CCDC57: variants seen among roughly 807,000 people sequenced by gnomAD.
CCDC57 encodes coiled-coil domain containing 57, also known as coiled-coil domain-containing protein 57.
Under a neutral mutation model 118.9 loss-of-function variants are expected in CCDC57, and 118 were observed. The observed-to-expected ratio is 0.99, with a 90% confidence interval of 0.86 to 1.16. The LOEUF (loss-of-function observed/expected upper bound fraction) is 1.16. Ranked by LOEUF, CCDC57 falls within the 50% of genes most tolerant of loss-of-function variation. The pLI, the probability that CCDC57 is intolerant of heterozygous loss-of-function variation, is 0.00. For missense variants in CCDC57, 1,300 were observed against 1,320.7 expected, an observed-to-expected ratio of 0.98 and a Z score of 0.24; for synonymous variants, 527 against 532.9, an observed-to-expected ratio of 0.99 and a Z score of 0.15.
rs1380028672 is a variant in CCDC57, at chr17:82,157,950, T to C, written c.2041-2A>G. ...CGGCTCCAGGGGTTCCCGCAGCACC[T>C]AGGGGTCATTTCAAAGGCAGTGTGA... On this transcript the variant is annotated splice_acceptor_variant, in intron 14 of 19. Transcript: ENST00000665763. LOFTEE classifies it high-confidence loss of function. 6.4e-7 allele frequency: 1 copy of C among 1,551,834 alleles called. No individual in the cohort carries two copies. The highest frequency in any genetic ancestry group is 8.7e-7 in the Non-Finnish European group (1 of 1,148,102).
chr17:82,200,334 G>A (rs894812677), intron 3 of CCDC57, among the ~76,000 whole-genome samples: 1 of 152,242 alleles, frequency 6.6e-6, no homozygotes, highest in Non-Finnish European at 1.5e-5. Context: ...ACATTTCGGA[G>A]CAGTGTGCGC....
intron 19 of CCDC57, among the ~76,000 whole-genome samples, chr17:82,104,005 C>T (rs1265409325): frequency 2.6e-5 from 4 of 152,202 alleles, no homozygotes; most frequent in Non-Finnish European, 5.9e-5. Flanking sequence ...CCCAGGGCAG[C>T]GGACAGCCCC....
At chr17:82,107,397 C>T (rs1024461927) in intron 19 of CCDC57, 10 of 424,374 alleles carry the variant, frequency 2.4e-5, no homozygotes, top group South Asian at 6.6e-5. Context: ...GTGGCTGCCT[C>T]GAACCCTGCT....
intron 9 of CCDC57, among the ~76,000 whole-genome samples, chr17:82,181,799 C>T (rs2046239105): frequency 6.6e-6 from 1 of 152,110 alleles, no homozygotes; most frequent in African/African-American, 2.4e-5. Context: ...AAGAGTTTAA[C>T]GAAGAAGGAA....
At chr17:82,211,232 G>T (rs2050163544) in intron 1 of CCDC57, among the ~76,000 whole-genome samples, 1 of 152,106 alleles carries the variant, frequency 6.6e-6, no homozygotes, top group South Asian at 2.1e-4. Context: ...CCCTGTTGAG[G>T]TTTTCTTGCC....
chr17:82,142,794 T>C (rs527739207), intron 16 of CCDC57, among the ~76,000 whole-genome samples: 1 of 152,174 alleles, frequency 6.6e-6, no homozygotes, highest in Non-Finnish European at 1.5e-5. Flanking sequence ...TAAAAAGTAG[T>C]ATTCCGCACA....
rs375402632 is a variant in CCDC57 at position 82,183,582 on chromosome 17, C to T, written c.1211+192G>A. Among the ~76,000 whole-genome samples the T allele has an allele frequency of 1.2e-3, 187 of 152,226 alleles. 2 individuals carry two copies. Among genetic ancestry groups the T allele is most frequent in the African/African-American group, 4.1e-3 (172 of 41,518 alleles). ...CTCTGGCCATGCTCCCTCCAGCAGGCGGCCCCTTCTGCATGTCTTCCCACA... is the reference window on the plus strand; with the variant it reads ...CTCTGGCCATGCTCCCTCCAGCAGGTGGCCCCTTCTGCATGTCTTCCCACA... On this transcript the variant is annotated intron_variant, in intron 9 of 19. Transcript: ENST00000665763.
intron 3 of CCDC57, 92 bp from the exon 3 acceptor site, chr17:82,198,514 T>C (rs2048568675): frequency 4.5e-6 from 4 of 884,668 alleles, no homozygotes; most frequent in Admixed American, 4.9e-5. Context: ...TGAAAGTTGG[T>C]GCTTTGCTTT....
intron 2 of CCDC57, among the ~76,000 whole-genome samples, chr17:82,207,286 T>C (rs955192251): frequency 1.3e-5 from 2 of 151,838 alleles, no homozygotes; most frequent in South Asian, 2.1e-4. Context: ...TGAGCTGTGA[T>C]TGCACCACTG....
At chr17:82,141,688 T>G (rs1480927830) in intron 16 of CCDC57, among the ~76,000 whole-genome samples, 2 of 152,170 alleles carry the variant, frequency 1.3e-5, no homozygotes, top group Non-Finnish European at 2.9e-5. Context: ...ATCCGCCTGA[T>G]GATTGGGTTT....
chr17:82,151,215 A>G (rs59833194), intron 16 of CCDC57, among the ~76,000 whole-genome samples: 17,252 of 41,274 alleles, frequency 0.42, 5,553 homozygotes, highest in East Asian at 0.87. Context: ...CCAGAACCTG[A>G]CCCACACCCA....
chr17:82,208,882 G>C (rs1173472178), intron 1 of CCDC57, among the ~76,000 whole-genome samples: 1 of 152,074 alleles, frequency 6.6e-6, no homozygotes, highest in Non-Finnish European at 1.5e-5. Flanking sequence ...CTACTCTTTT[G>C]TTTTGAAACA....
At chr17:82,209,248 T>C (rs1159348941) in intron 1 of CCDC57, among the ~76,000 whole-genome samples, 1 of 152,166 alleles carries the variant, frequency 6.6e-6, no homozygotes, top group Non-Finnish European at 1.5e-5. Flanking sequence ...TCTTTGAACG[T>C]GCATTTGCCA....
At chr17:82,200,151 C>T (rs768695337) in intron 3 of CCDC57, among the ~76,000 whole-genome samples, 6 of 152,214 alleles carry the variant, frequency 3.9e-5, no homozygotes, top group Admixed American at 6.5e-5. Flanking sequence ...TCTGCTGGAC[C>T]GGAGCACCTG....
chr17:82,134,112 G>A (rs752498766), exon 17 of CCDC57: 1 of 1,420,800 alleles, frequency 7.0e-7, no homozygotes, highest in South Asian at 1.6e-5. Context: ...CCAAAGGTGG[G>A]CTGCGATCCA....
intron 19 of CCDC57, among the ~76,000 whole-genome samples, chr17:82,114,993 C>A (rs2035669978): frequency 6.6e-6 from 1 of 152,352 alleles, no homozygotes; most frequent in East Asian, 1.9e-4. Context: ...CCAAGCCCGC[C>A]CGCAGGGACA....
rs538500478 is a variant in CCDC57, at chr17:82,149,190, C to T, written c.2455+2370G>A. Among the ~76,000 whole-genome samples the T allele has an allele frequency of 2.9e-4, 23 of 78,814 alleles. No individual in the cohort carries two copies. In the South Asian group the frequency reaches 9.9e-3, roughly 34 times the overall value. 51.7% of individuals were successfully genotyped at this position (78,814 alleles called of 152,430 possible). Reference sequence around the variant, plus strand: ...GGTGGATGGATGGGTGGGTGGATGGCGGATGGATGAGTGGGTGGATGAATG... The same window carrying T: ...GGTGGATGGATGGGTGGGTGGATGGTGGATGGATGAGTGGGTGGATGAATG... On this transcript the variant is annotated intron_variant, in intron 16 of 19. Transcript: ENST00000665763.
chr17:82,193,988 C>T (rs764509361), exon 6 of CCDC57: 32 of 1,609,708 alleles, frequency 2.0e-5, no homozygotes, highest in Middle Eastern at 1.6e-4. Context: ...GCACCGGGCG[C>T]GGCTCATGGC....
At chr17:82,132,729 T>C (rs967074227) in intron 17 of CCDC57, among the ~76,000 whole-genome samples, 2 of 151,710 alleles carry the variant, frequency 1.3e-5, no homozygotes, top group Non-Finnish European at 2.9e-5. Flanking sequence ...AATTTATTTT[T>C]ATTTTTATCT....
Sources: allele counts gnomAD v4.1 joint callset (sites outside exome capture counted in the v4.1 genomes callset), GRCh38; gene constraint gnomAD v4.1.1; transcripts MANE v1.5; gene names NCBI Gene and HGNC (gene_info 2026-07-23, HGNC 2026-07-21).